The following PPM1H variants were observed in gnomAD, a reference collection of about 807,000 sequenced individuals.
PPM1H encodes protein phosphatase 1H.
PPM1H carries 27 observed loss-of-function variants against 54.9 expected under a neutral mutation model. The ratio of observed to expected loss-of-function variants is 0.49; its 90% CI spans 0.36 to 0.68. The LOEUF is 0.68. Among genes scored for constraint, PPM1H ranks in the 30% least tolerant of loss-of-function variants. PPM1H has a pLI of 0.00. For missense variants in PPM1H, 596 were observed against 667.8 expected (o/e 0.89, Z 1.19); for synonymous variants, 305 against 270.8 (o/e 1.13, Z -1.24).
chr12:62,688,558 C>G (rs1322162848), intron 8 of PPM1H, among the ~76,000 whole-genome samples: 1 of 152,170 alleles, frequency 6.6e-6, no homozygotes, highest in African/African-American at 2.4e-5. Context: ...GAAATCGATA[C>G]TGTTTCCTAT....
intron 1 of PPM1H, among the ~76,000 whole-genome samples, chr12:62,877,113 T>G (rs965439140): frequency 2.0e-5 from 3 of 152,160 alleles, no homozygotes; most frequent in Non-Finnish European, 1.5e-5. Flanking sequence ...TTGCTCTAAT[T>G]AGAAATACAG....
intron 1 of PPM1H, among the ~76,000 whole-genome samples, chr12:62,887,939 C>T (rs1236333448): frequency 1.3e-5 from 2 of 152,118 alleles, no homozygotes; most frequent in Non-Finnish European, 2.9e-5. Flanking sequence ...AGCTGGGTGG[C>T]AATGCTCCTC....
At chr12:62,704,202 C>A (rs2076160546) in intron 6 of PPM1H, among the ~76,000 whole-genome samples, 1 of 152,108 alleles carries the variant, frequency 6.6e-6, no homozygotes, top group Non-Finnish European at 1.5e-5. Flanking sequence ...TTAACAACAG[C>A]AGGCTCAAGT....
At chr12:62,904,460 G>A (rs901332474) in intron 1 of PPM1H, among the ~76,000 whole-genome samples, 5 of 152,014 alleles carry the variant, frequency 3.3e-5, no homozygotes, top group Admixed American at 3.3e-4. Flanking sequence ...GGCTGACCTC[G>A]AACTCCCTGT....
intron 9 of PPM1H, among the ~76,000 whole-genome samples, chr12:62,661,783 C>T (rs11174592): frequency 2.0e-5 from 3 of 152,078 alleles, no homozygotes; most frequent in African/African-American, 7.2e-5. Context: ...TGAACTCAAG[C>T]TTAAGCCATC....
intron 4 of PPM1H, among the ~76,000 whole-genome samples, chr12:62,754,532 T>C (rs571013177): frequency 1.4e-4 from 22 of 152,288 alleles, no homozygotes; most frequent in African/African-American, 4.8e-4. Context: ...AAGCCACCAC[T>C]GTACTCTAGC....
At chr12:62,733,781 T>C (rs1312518383) in intron 5 of PPM1H, among the ~76,000 whole-genome samples, 1 of 152,230 alleles carries the variant, frequency 6.6e-6, no homozygotes, top group African/African-American at 2.4e-5. Context: ...GGCAGCATTT[T>C]CACCTTTTAA....
chr12:62,726,017 T>A (rs1008661146), intron 5 of PPM1H, among the ~76,000 whole-genome samples: 2 of 152,350 alleles, frequency 1.3e-5, no homozygotes, highest in South Asian at 2.1e-4. Context: ...ATAGAAATTA[T>A]AAGTACTCCT....
rs184216129 is a variant in PPM1H, at chr12:62,686,445, C to T, written c.1245+3254G>A. 4.6e-5 allele frequency among the ~76,000 whole-genome samples: 7 copies of T among 152,246 alleles called. No individual in the cohort carries two copies. The East Asian group carries it at 1.2e-3, about 25-fold the overall frequency. On this transcript the variant is annotated intron_variant, in intron 8 of 9. Transcript: ENST00000228705. ...CAACATTTAAGTTATCTGACAAATG[C>T]CTCTCTTGTAAGGGGGAGAATAGAA...
At chr12:62,767,609 C>G (rs1392050108) in intron 4 of PPM1H, among the ~76,000 whole-genome samples, 3 of 152,150 alleles carry the variant, frequency 2.0e-5, no homozygotes, top group Admixed American at 6.5e-5. Flanking sequence ...CCTGGTTTGT[C>G]AACTTCCAGT....
rs888292372 is a variant in PPM1H at position 62,699,441 on chromosome 12, G to A, written c.1074-5442C>T. Among the ~76,000 whole-genome samples the A allele has an allele frequency of 5.3e-5, 8 of 152,154 alleles. No individual in the cohort carries two copies. In the South Asian group the frequency reaches 1.0e-3, roughly 20 times the overall value. On this transcript the variant is annotated intron_variant, in intron 6 of 9. Coordinates refer to ENST00000228705, the MANE Select transcript of PPM1H (RefSeq NM_020700.2). ...TTAAACTCCTGACCTCAGGTCATAC[G>A]CCTGCCTTGGCCTCCCAAAGAGCTG...
intron 4 of PPM1H, among the ~76,000 whole-genome samples, chr12:62,739,483 A>C (rs2076370271): frequency 6.6e-6 from 1 of 152,216 alleles, no homozygotes; most frequent in African/African-American, 2.4e-5. Context: ...CTGGAGTGAA[A>C]GTTATTATGT....
chr12:62,837,936 G>C (rs1458081665), intron 1 of PPM1H, among the ~76,000 whole-genome samples: 3 of 152,152 alleles, frequency 2.0e-5, no homozygotes, highest in Admixed American at 1.3e-4. Context: ...ACACTTCCCA[G>C]AACAGGGACC....
At chr12:62,765,070 G>A (rs2076533611) in intron 4 of PPM1H, among the ~76,000 whole-genome samples, 1 of 152,146 alleles carries the variant, frequency 6.6e-6, no homozygotes, top group African/African-American at 2.4e-5. Context: ...TTGAGAGGAG[G>A]GTTTATCTTT....
At chr12:62,731,960 C>A (rs940010311) in intron 5 of PPM1H, among the ~76,000 whole-genome samples, 2 of 152,160 alleles carry the variant, frequency 1.3e-5, no homozygotes, top group Non-Finnish European at 2.9e-5. Context: ...AAATGTCCAT[C>A]AACCAGACAC....
intron 6 of PPM1H, among the ~76,000 whole-genome samples, chr12:62,708,330 C>A (rs1364489121): frequency 6.6e-6 from 1 of 152,170 alleles, no homozygotes; most frequent in Non-Finnish European, 1.5e-5. Flanking sequence ...AGGGTAAGCC[C>A]AGAAGCAAGG....
At chr12:62,824,006 T>TG (rs1565800022) in intron 2 of PPM1H, among the ~76,000 whole-genome samples, 19 of 150,988 alleles carry the variant, frequency 1.3e-4, no homozygotes, top group African/African-American at 4.4e-4. Flanking sequence ...AAACCCCATC[T>TG]TCTCAGCCCA....
At chr12:62,758,743 T>TGAA (rs1322093537) in intron 4 of PPM1H, among the ~76,000 whole-genome samples, 4 of 152,206 alleles carry the variant, frequency 2.6e-5, no homozygotes, top group Non-Finnish European at 2.9e-5. Flanking sequence ...GAGAATTTCT[T>TGAA]TTCTCCATGA....
intron 1 of PPM1H, among the ~76,000 whole-genome samples, chr12:62,836,073 C>T (rs909595753): frequency 6.6e-6 from 1 of 152,198 alleles, no homozygotes; most frequent in African/African-American, 2.4e-5. Flanking sequence ...GTCAGTACCA[C>T]CTTGAGGTCA....
Sources: gnomAD v4.1 joint callset for allele counts (sites outside exome capture counted in the v4.1 genomes callset) on GRCh38, gnomAD v4.1.1 for gene constraint, MANE v1.5 for transcripts, NCBI Gene and HGNC (gene_info 2026-07-23, HGNC 2026-07-21) for gene names.